SH2D4A: variants seen among roughly 807,000 people sequenced by gnomAD.
The protein encoded by SH2D4A is SH2 domain-containing protein 4A.
A neutral mutation model predicts 64.7 loss-of-function variants in SH2D4A; 70 were observed. The observed-to-expected ratio is 1.08, with a 90% CI of 0.89 to 1.32. SH2D4A has a LOEUF of 1.32. SH2D4A is among the 40% of genes most tolerant of loss of function. SH2D4A has a pLI of 0.00. For missense variants in SH2D4A, 706 were observed against 540.1 expected (o/e 1.31, Z -3.04); for synonymous variants, 268 against 200.7 (o/e 1.34, Z -2.83).
chr8:19,385,213 GTTT>G (rs372352861), intron 8 of SH2D4A, among the ~76,000 whole-genome samples: 1 of 140,490 alleles, frequency 7.1e-6, no homozygotes, highest in African/African-American at 2.6e-5. Context: ...CTGTTTTTTT[GTTT>G]TTTTTTTTTT....
intron 4 of SH2D4A, among the ~76,000 whole-genome samples, chr8:19,343,190 C>T (rs1486933629): frequency 1.3e-5 from 2 of 151,882 alleles, no homozygotes; most frequent in Non-Finnish European, 2.9e-5. Context: ...TTTGGGAGGC[C>T]GAGGCAGGTG....
chr8:19,362,409 C>T (rs929982855), intron 6 of SH2D4A, among the ~76,000 whole-genome samples: 2 of 152,122 alleles, frequency 1.3e-5, no homozygotes, highest in African/African-American at 4.8e-5. Context: ...ACAAAGTAGT[C>T]ATGCGCTGTA....
chr8:19,321,314 A>G (rs1266855349), intron 2 of SH2D4A, among the ~76,000 whole-genome samples: 2 of 152,184 alleles, frequency 1.3e-5, no homozygotes, highest in East Asian at 3.9e-4. Context: ...CCCGGGTTCA[A>G]GCAATTCTCC....
intron 9 of SH2D4A, among the ~76,000 whole-genome samples, chr8:19,394,345 C>G (rs901809983): frequency 2.0e-5 from 3 of 152,156 alleles, no homozygotes; most frequent in Admixed American, 1.3e-4. Context: ...TATGAGAATT[C>G]ATAGGCCTTA....
At chr8:19,357,159 A>T in intron 4 of SH2D4A, 44 bp from the exon 5 acceptor site, 1 of 1,432,336 alleles carries the variant, frequency 7.0e-7, no homozygotes, top group Non-Finnish European at 9.9e-7. Context: ...ATGAAACTGC[A>T]CTGCAGCTCC....
rs1035786335 is a variant in SH2D4A, at chr8:19,378,856, T to G, written c.1048+5196T>G. On this transcript the variant is annotated intron_variant, in intron 8 of 9. Coordinates refer to ENST00000265807, the MANE Select transcript of SH2D4A (RefSeq NM_022071.4). ...AGCCCAGGAGTTTGAGATCAGCAAC[T>G]TAAACATGGCAAATTCCATCTCTAC... Among the ~76,000 whole-genome samples, 3 of 147,602 alleles carry G rather than the reference T, an allele frequency of 2.0e-5. No individual in the cohort carries two copies. In the Admixed American group the frequency reaches 2.1e-4, roughly 10 times the overall value.
intron 5 of SH2D4A, among the ~76,000 whole-genome samples, chr8:19,358,202 A>G (rs1197587874): frequency 6.6e-6 from 1 of 152,208 alleles, no homozygotes; most frequent in African/African-American, 2.4e-5. Flanking sequence ...CAGCTGAGGA[A>G]GACAAAGGAT....
Position 19,372,678 on chromosome 8 carries a change from G to A in SH2D4A, c.918-852G>A, listed in dbSNP as rs2053123631. ...ATTAGTACGCTGTTGAGTAGGACTT[G>A]GAAGTCTGTTTATTACATTGCAAGG... is the stretch of plus-strand genomic sequence containing the variant. On this transcript the variant is annotated intron_variant, in intron 7 of 9. Coordinates refer to ENST00000265807, the MANE Select transcript of SH2D4A (RefSeq NM_022071.4). Among the ~76,000 whole-genome samples, 3 of 152,180 alleles carry A rather than the reference G, an allele frequency of 2.0e-5. No individual in the cohort carries two copies. The South Asian group carries it at 6.2e-4, about 32-fold the overall frequency.
At chr8:19,374,293 C>G (rs1347116182) in intron 8 of SH2D4A, among the ~76,000 whole-genome samples, 1 of 152,170 alleles carries the variant, frequency 6.6e-6, no homozygotes, top group Non-Finnish European at 1.5e-5. Flanking sequence ...CCCTCTTCCA[C>G]CCAGCAGATA....
intron 4 of SH2D4A, among the ~76,000 whole-genome samples, chr8:19,347,549 A>T (rs937990902): frequency 2.6e-5 from 4 of 152,196 alleles, no homozygotes; most frequent in African/African-American, 4.8e-5. Flanking sequence ...TTCTCCGCTT[A>T]TATGTAATTT....
chr8:19,324,006 C>G (rs574641269), intron 2 of SH2D4A, among the ~76,000 whole-genome samples: 1 of 152,162 alleles, frequency 6.6e-6, no homozygotes, highest in Non-Finnish European at 1.5e-5. Context: ...ATAAACTACA[C>G]GTAGAGCTTA....
chr8:19,343,165 C>T (rs2052555528), intron 4 of SH2D4A, among the ~76,000 whole-genome samples: 1 of 152,146 alleles, frequency 6.6e-6, no homozygotes, highest in Admixed American at 6.5e-5. Flanking sequence ...TGGCTCATGC[C>T]TGCAATCCCA....
chr8:19,348,528 T>C (rs2117248930), intron 4 of SH2D4A, among the ~76,000 whole-genome samples: 1 of 152,278 alleles, frequency 6.6e-6, no homozygotes, highest in East Asian at 1.9e-4. Flanking sequence ...CAAACTAAAA[T>C]TAAGAGCGCT....
At chr8:19,370,519 T>A (rs2053077004) in intron 7 of SH2D4A, among the ~76,000 whole-genome samples, 1 of 152,074 alleles carries the variant, frequency 6.6e-6, no homozygotes, top group Non-Finnish European at 1.5e-5. Flanking sequence ...GTTTTCAGCT[T>A]CAGGTCTGCT....
At chr8:19,320,764 G>A (rs1390758729) in intron 2 of SH2D4A, among the ~76,000 whole-genome samples, 2 of 152,122 alleles carry the variant, frequency 1.3e-5, no homozygotes, top group Non-Finnish European at 2.9e-5. Flanking sequence ...TCTGTCATGG[G>A]TGAATACCAA....
At chr8:19,359,585 A>G (rs1424258562) in intron 5 of SH2D4A, among the ~76,000 whole-genome samples, 3 of 152,246 alleles carry the variant, frequency 2.0e-5, no homozygotes, top group African/African-American at 7.2e-5. Context: ...AACAGCTTCA[A>G]TCAAAGGATG....
At chr8:19,357,453 T>C (rs61149032) in intron 5 of SH2D4A, among the ~76,000 whole-genome samples, 170 bp downstream of exon 5, 15,868 of 152,056 alleles carry the variant, frequency 0.1, 1,094 homozygotes, top group African/African-American at 0.19. Flanking sequence ...TTATCTGGAG[T>C]TCGGGAAGTG....
intron 2 of SH2D4A, among the ~76,000 whole-genome samples, chr8:19,326,776 C>G (rs2052288588): frequency 6.6e-6 from 1 of 152,052 alleles, no homozygotes; most frequent in African/African-American, 2.4e-5. Context: ...GGGTGGAGAC[C>G]AAGAGCTGAC....
intron 8 of SH2D4A, among the ~76,000 whole-genome samples, chr8:19,374,399 T>A (rs957578957): frequency 6.6e-6 from 1 of 152,174 alleles, no homozygotes; most frequent in Non-Finnish European, 1.5e-5. Flanking sequence ...TTGGACTAAT[T>A]GGCTATATGG....
Sources: allele counts gnomAD v4.1 joint callset (sites outside exome capture counted in the v4.1 genomes callset), GRCh38; gene constraint gnomAD v4.1.1; transcripts MANE v1.5; gene names NCBI Gene and HGNC (gene_info 2026-07-23, HGNC 2026-07-21).